Variants in ARHGEF17 observed in about 807,000 individuals in gnomAD.
ARHGEF17 encodes the protein Rho guanine nucleotide exchange factor 17.
A neutral mutation model predicts 174.0 loss-of-function variants in ARHGEF17; 80 were observed. The ratio of observed to expected loss-of-function variants is 0.46; its 90% CI spans 0.38 to 0.55. The LOEUF (loss-of-function observed/expected upper bound fraction) is 0.55. Among genes scored for constraint, ARHGEF17 ranks in the 20% least tolerant of loss-of-function variants. The probability of loss-of-function intolerance (pLI) is 0.00; values close to 1 mark genes in which losing one functional copy is unlikely to be tolerated. For missense variants in ARHGEF17, 2,886 were observed against 2,839.7 expected (o/e 1.02, Z -0.37); for synonymous variants, 1,311 against 1,189.1 (o/e 1.10, Z -2.11).
At chr11:73,352,048 C>T (rs893428491) in intron 2 of ARHGEF17, among the ~76,000 whole-genome samples, 7 of 152,194 alleles carry the variant, frequency 4.6e-5, no homozygotes, top group South Asian at 2.1e-4. Flanking sequence ...AATGGCTGGG[C>T]GCAGTGGCTC....
chr11:73,313,737 G>A (rs1193022964), intron 1 of ARHGEF17, among the ~76,000 whole-genome samples: 1 of 152,214 alleles, frequency 6.6e-6, no homozygotes, highest in Non-Finnish European at 1.5e-5. Flanking sequence ...GTCATTAGAA[G>A]AGCAGGGTGT....
chr11:73,317,770 C>T (rs1032152743), intron 1 of ARHGEF17, among the ~76,000 whole-genome samples: 1 of 152,186 alleles, frequency 6.6e-6, no homozygotes, highest in Non-Finnish European at 1.5e-5. Context: ...GAGAGACAGA[C>T]ACAGAGGAAA....
intron 2 of ARHGEF17, among the ~76,000 whole-genome samples, chr11:73,350,937 G>A (rs1299527270): frequency 6.6e-6 from 1 of 152,250 alleles, no homozygotes; most frequent in Non-Finnish European, 1.5e-5. Flanking sequence ...CCAGTGCTGG[G>A]CAGGCTGAGC....
At position 73,363,400 on chromosome 11, in the gene ARHGEF17, A is replaced by C; in HGVS notation, c.5191A>C (p.Ser1731Arg). 1 of 1,613,274 alleles carries C rather than the reference A, an allele frequency of 6.2e-7. No homozygotes were observed. Among genetic ancestry groups the C allele is most frequent in the South Asian group, 1.1e-5 (1 of 91,020 alleles). ...CCGGGGCAGCCTTGAGGACCTGCTG[A>C]GTGTCGACCCTGAGGCCTACCAGAG... ...FTRGSLEDLL[S>R]VDPEAYQSSV... The change falls in exon 15 of 21, where the codon AGT (serine) becomes CGT (arginine). Residue 1731 changes from serine to arginine, a missense_variant. Coordinates refer to ENST00000263674, the MANE Select transcript of ARHGEF17 (RefSeq NM_014786.4).
chr11:73,324,400 G>A (rs914699405), intron 1 of ARHGEF17, among the ~76,000 whole-genome samples: 6 of 152,276 alleles, frequency 3.9e-5, no homozygotes, highest in East Asian at 1.9e-4. Flanking sequence ...CTGGGGGAGC[G>A]CCCAGGCTCC....
intron 1 of ARHGEF17, among the ~76,000 whole-genome samples, chr11:73,344,249 C>T (rs1305192423): frequency 6.6e-6 from 1 of 152,096 alleles, no homozygotes; most frequent in African/African-American, 2.4e-5. Context: ...CTCCCCTGTC[C>T]ACCCCCGCAA....
At position 73,361,212 on chromosome 11, in the gene ARHGEF17, G is replaced by A. The variant is rs544637756; in HGVS notation, c.4494+51G>A. ...GTACATGTTTTCAAAGCCAGCAGGT[G>A]TTCATGAATTTTTGTGTACGACATT... On this transcript the variant is annotated intron_variant, in intron 12 of 20. Coordinates refer to ENST00000263674, the MANE Select transcript of ARHGEF17 (RefSeq NM_014786.4). The A allele has an allele frequency of 1.9e-5, 30 of 1,565,878 alleles. No individual in the cohort carries two copies. The South Asian group carries it at 3.2e-4, about 17-fold the overall frequency.
Position 73,367,713 on chromosome 11 carries a change from G to A in ARHGEF17, c.6125G>A (p.Gly2042Asp). The change falls in exon 21 of 21, where the codon GGC becomes GAC. Residue 2042 changes from glycine (G) to aspartate (D), a missense_variant. Physicochemically the swap from Gly to Asp is moderately conservative, Grantham distance 94. Coordinates refer to ENST00000263674, the MANE Select transcript of ARHGEF17 (RefSeq NM_014786.4). ...GYEDFRLSSG[G>D]GSSSETVGRD... is the part of the protein sequence containing the mutation. Reference sequence around the variant, plus strand: ...GAGGACTTCCGACTCAGCAGTGGGGGCGGCAGCAGCAGTGAGACTGTGGGT... The same window carrying A: ...GAGGACTTCCGACTCAGCAGTGGGGACGGCAGCAGCAGTGAGACTGTGGGT... The A allele has an allele frequency of 6.2e-7, 1 of 1,614,134 alleles. No individual in the cohort carries two copies. Among genetic ancestry groups the A allele is most frequent in the Non-Finnish European group, 8.5e-7 (1 of 1,180,020 alleles).
chr11:73,332,021 A>G (rs1865212125), intron 1 of ARHGEF17, among the ~76,000 whole-genome samples: 1 of 152,158 alleles, frequency 6.6e-6, no homozygotes, highest in African/African-American at 2.4e-5. Flanking sequence ...CCCTGCGGAT[A>G]TGCCAGCGAG....
intron 1 of ARHGEF17, among the ~76,000 whole-genome samples, chr11:73,342,726 TGTC>T (rs1273676648): frequency 6.6e-6 from 1 of 151,856 alleles, no homozygotes; most frequent in Admixed American, 6.5e-5. Context: ...GGAAAGTACA[TGTC>T]GGCGCCTTTG....
Position 73,310,637 on chromosome 11 carries a change from A to G in ARHGEF17, c.1999A>G (p.Met667Val), listed in dbSNP as rs1425269328. The change falls in exon 1 of 21, where the codon ATG (methionine) becomes GTG (valine). Residue 667 changes from methionine to valine, a missense_variant. Around this residue, in one of 4 missense-constraint regions of ARHGEF17, gnomAD observed 1,728 missense variants for 1,461.2 expected, o/e 1.18. Transcript: ENST00000263674. Reference sequence around the variant, plus strand: ...ATTTTGCGGCCTGGGTACCACAGGGATGTGGCGACCTCTTTCCTCATCCTC... The same window carrying G: ...ATTTTGCGGCCTGGGTACCACAGGGGTGTGGCGACCTCTTTCCTCATCCTC... Reference protein sequence around the residue: ...AAFCGLGTTGMWRPLSSSSAQ... With the variant: ...AAFCGLGTTGVWRPLSSSSAQ... The G allele has an allele frequency of 1.2e-6, 2 of 1,614,082 alleles. No individual in the cohort carries two copies. Among genetic ancestry groups the G allele is most frequent in the Non-Finnish European group, 1.7e-6 (2 of 1,180,002 alleles).
At chr11:73,356,661 G>A (rs1865646811) in intron 6 of ARHGEF17, 48 bp from the exon 7 acceptor site, 1 of 1,611,462 alleles carries the variant, frequency 6.2e-7, no homozygotes, top group Non-Finnish European at 8.5e-7. Context: ...GGAGGGGATA[G>A]GGATTAATAA....
At chr11:73,327,253 A>G (rs1176513199) in intron 1 of ARHGEF17, among the ~76,000 whole-genome samples, 4 of 148,260 alleles carry the variant, frequency 2.7e-5, no homozygotes, top group African/African-American at 1.0e-4. Flanking sequence ...GGAGCTGGCA[A>G]CCAGCTACGC....
intron 2 of ARHGEF17, among the ~76,000 whole-genome samples, chr11:73,348,560 G>A (rs1463742422): frequency 6.6e-6 from 1 of 152,206 alleles, no homozygotes; most frequent in Non-Finnish European, 1.5e-5. Flanking sequence ...GGTTCCTGGG[G>A]TAGTCAGACT....
chr11:73,352,908 A>G lies in ARHGEF17; in HGVS notation c.3349A>G (p.Ile1117Val). ...ACTGGTGGACGAGATCTTCGACCAG[A>G]TCCCCGAGCTCCTGGAGCACCACGA... ...PSLVDEIFDQ[I>V]PELLEHHEQF... The change falls in exon 3 of 21, where the codon ATC becomes GTC. Residue 1117 changes from isoleucine (I) to valine (V), a missense_variant. Coordinates refer to ENST00000263674, the MANE Select transcript of ARHGEF17 (RefSeq NM_014786.4). 6.2e-7 allele frequency: 1 copy of G among 1,614,110 alleles called. No homozygotes were observed.
chr11:73,352,579 C>T (rs1461569968), intron 2 of ARHGEF17, among the ~76,000 whole-genome samples: 2 of 152,186 alleles, frequency 1.3e-5, no homozygotes, highest in Non-Finnish European at 2.9e-5. Flanking sequence ...TTTGTTCATA[C>T]ATTAAACAAA....
At position 73,310,233 on chromosome 11, in the gene ARHGEF17, C is replaced by G. The variant is rs775148960; in HGVS notation, c.1595C>G (p.Pro532Arg). 2.4e-5 allele frequency: 39 copies of G among 1,613,932 alleles called. 2 individuals carry two copies. In the South Asian group the frequency reaches 4.0e-4, roughly 16 times the overall value. Residue 532 changes from proline to arginine, a missense_variant, in exon 1 of 21, where the codon CCC becomes CGC. Transcript: ENST00000263674. The part of the protein sequence containing the change: ...IPAPASPGTR[P>R]TLKDLTATLR... ...GCCCCAGCATCACCTGGCACGCGCC[C>G]CACACTCAAGGACTTGACAGCCACT...
Position 73,311,195 on chromosome 11 carries a change from G to T in ARHGEF17, c.2557G>T (p.Val853Phe). 1 of 1,598,966 alleles carries T rather than the reference G, an allele frequency of 6.3e-7. No individual in the cohort carries two copies. Among genetic ancestry groups the T allele is most frequent in the South Asian group, 1.1e-5 (1 of 90,014 alleles). Residue 853 changes from valine (V) to phenylalanine (F), a missense_variant, in exon 1 of 21, where the codon GTT becomes TTT. Around this residue, in one of 4 missense-constraint regions of ARHGEF17, gnomAD observed 1,728 missense variants for 1,461.2 expected, o/e 1.18. Coordinates refer to ENST00000263674, the MANE Select transcript of ARHGEF17 (RefSeq NM_014786.4). ...CCCTGGAGGGGAGCCCATCCGAGAA[G>T]TTGAGCCCATGCTGCCTCCATCCAG... ...EGPGGEPIRE[V>F]EPMLPPSSSE...
intron 12 of ARHGEF17, 54 bp downstream of exon 12, chr11:73,361,215 C>T (rs774815932): frequency 6.4e-7 from 1 of 1,557,722 alleles, no homozygotes; most frequent in Non-Finnish European, 8.8e-7. Context: ...AGCAGGTGTT[C>T]ATGAATTTTT....
Sources: gnomAD v4.1 joint callset for allele counts (sites outside exome capture counted in the v4.1 genomes callset) on GRCh38, gnomAD v4.1.1 for gene constraint, gnomAD v4.1.1 regional missense constraint, MANE v1.5 for transcripts, NCBI Gene and HGNC (gene_info 2026-07-23, HGNC 2026-07-21) for gene names.